The following ITGBL1 variants were observed in gnomAD, a reference collection of about 807,000 sequenced individuals.
ITGBL1 encodes the protein integrin subunit beta like 1.
A neutral mutation model predicts 68.5 loss-of-function variants in ITGBL1; 51 were observed. The ratio of observed to expected loss-of-function variants is 0.74; its 90% CI spans 0.59 to 0.94. The LOEUF (loss-of-function observed/expected upper bound fraction) is 0.94. Among genes scored for constraint, ITGBL1 ranks in the 40% least tolerant of loss-of-function variants. ITGBL1 has a pLI of 0.00. For missense variants in ITGBL1, 649 were observed against 647.4 expected (o/e 1.00, Z -0.03); for synonymous variants, 209 against 227.3 (o/e 0.92, Z 0.72).
intron 2 of ITGBL1, among the ~76,000 whole-genome samples, chr13:101,512,982 G>A (rs1566709612): frequency 1.3e-5 from 2 of 151,998 alleles, no homozygotes. Context: ...TTCTTTCTTT[G>A]CTAAAAATCT....
chr13:101,617,612 A>G (rs1018155199), intron 7 of ITGBL1, among the ~76,000 whole-genome samples: 10 of 152,332 alleles, frequency 6.6e-5, no homozygotes, highest in African/African-American at 2.2e-4. Context: ...TCATCTCATT[A>G]TATAAAAATA....
intron 2 of ITGBL1, among the ~76,000 whole-genome samples, chr13:101,491,345 AT>A (rs1207484669): frequency 6.6e-6 from 1 of 152,182 alleles, no homozygotes; most frequent in Non-Finnish European, 1.5e-5. Context: ...TATAAAGCAG[AT>A]AGCTTCCAAA....
Position 101,575,506 on chromosome 13 carries a change from T to G in ITGBL1, c.546T>G (p.Asp182Glu), listed in dbSNP as rs752757554. The change falls in exon 4 of 11, where the codon GAT becomes GAG. Residue 182 changes from aspartate (D) to glutamate (E), a missense_variant. By Grantham distance (45) the Asp-to-Glu change is conservative. Coordinates refer to ENST00000376180, the MANE Select transcript of ITGBL1 (RefSeq NM_004791.3). ...LVYGKFCECD[D>E]RECIDDETEE... is the part of the protein sequence containing the mutation. ...ATGGTAAATTTTGTGAGTGTGACGATAGAGAATGCATAGACGATGAAACAG... is the reference window on the plus strand; with the variant it reads ...ATGGTAAATTTTGTGAGTGTGACGAGAGAGAATGCATAGACGATGAAACAG... The G allele has an allele frequency of 6.2e-7, 1 of 1,612,722 alleles. No homozygotes were observed. Among genetic ancestry groups the G allele is most frequent in the East Asian group, 2.2e-5 (1 of 44,830 alleles).
chr13:101,644,738 ACT>A (rs2032504291), intron 7 of ITGBL1, among the ~76,000 whole-genome samples: 1 of 152,130 alleles, frequency 6.6e-6, no homozygotes. Flanking sequence ...AAATCCAGTA[ACT>A]CTTTTTTAGA....
intron 7 of ITGBL1, among the ~76,000 whole-genome samples, chr13:101,656,060 A>AG (rs944117436): frequency 2.0e-5 from 3 of 151,946 alleles, no homozygotes; most frequent in East Asian, 3.9e-4. Context: ...GAGGTGGGGG[A>AG]GGGGGGCTTC....
chr13:101,478,820 A>C (rs541181098), intron 2 of ITGBL1, among the ~76,000 whole-genome samples: 175 of 152,180 alleles, frequency 1.1e-3, no homozygotes, highest in African/African-American at 3.7e-3. Flanking sequence ...GAGGACTCAA[A>C]AAATGGAAAG....
At chr13:101,582,480 A>C (rs1322085832) in intron 5 of ITGBL1, among the ~76,000 whole-genome samples, 3 of 152,198 alleles carry the variant, frequency 2.0e-5, no homozygotes, top group African/African-American at 2.4e-5. Flanking sequence ...CTGATAATCC[A>C]CACAGAGTAA....
chr13:101,472,603 C>T (rs940249601), intron 2 of ITGBL1, among the ~76,000 whole-genome samples: 48 of 152,148 alleles, frequency 3.2e-4, no homozygotes, highest in African/African-American at 1.1e-3. Flanking sequence ...GAAAGGAAAA[C>T]GTAAATGGTT....
At chr13:101,649,458 A>T (rs61965080) in intron 7 of ITGBL1, among the ~76,000 whole-genome samples, 36,629 of 152,154 alleles carry the variant, frequency 0.24, 4,932 homozygotes, top group Admixed American at 0.32. Flanking sequence ...TCCTAAATAA[A>T]TGATTAAAGA....
chr13:101,715,548 T>G lies in ITGBL1; in HGVS notation c.1394-15T>G. On this transcript the variant is annotated splice_polypyrimidine_tract_variant and intron_variant, in intron 10 of 10. Coordinates refer to ENST00000376180, the MANE Select transcript of ITGBL1 (RefSeq NM_004791.3). ...TTTGATCATAATCATGATACCTATA[T>G]GTATTTTATTGCAGGGAATGGAATA... is the stretch of plus-strand genomic sequence containing the variant. 1 of 1,562,512 alleles carries G rather than the reference T, an allele frequency of 6.4e-7. No individual in the cohort carries two copies. Among genetic ancestry groups the G allele is most frequent in the Non-Finnish European group, 8.8e-7 (1 of 1,132,906 alleles).
intron 7 of ITGBL1, among the ~76,000 whole-genome samples, chr13:101,669,084 T>G (rs1025064442): frequency 6.6e-6 from 1 of 151,958 alleles, no homozygotes; most frequent in African/African-American, 2.4e-5. Flanking sequence ...ATATGTAAGT[T>G]GTACAAGGAA....
chr13:101,654,951 G>T (rs941647283), intron 7 of ITGBL1, among the ~76,000 whole-genome samples: 1 of 152,158 alleles, frequency 6.6e-6, no homozygotes, highest in African/African-American at 2.4e-5. Flanking sequence ...AGAGAAGAAG[G>T]TGTATGGGTA....
intron 7 of ITGBL1, among the ~76,000 whole-genome samples, chr13:101,622,341 A>G (rs550490162): frequency 2.0e-5 from 3 of 152,254 alleles, no homozygotes; most frequent in African/African-American, 7.2e-5. Context: ...CTCTGTCTAT[A>G]TAAATTTAAT....
chr13:101,527,676 G>GT (rs1436317901), intron 2 of ITGBL1, among the ~76,000 whole-genome samples: 1 of 151,816 alleles, frequency 6.6e-6, no homozygotes, highest in Non-Finnish European at 1.5e-5. Flanking sequence ...GTCAAGACTT[G>GT]TTTTTTTCAG....
chr13:101,518,843 G>A (rs2049237268), intron 2 of ITGBL1, among the ~76,000 whole-genome samples: 1 of 152,068 alleles, frequency 6.6e-6, no homozygotes, highest in Admixed American at 6.6e-5. Flanking sequence ...ATCTCATGGG[G>A]ATATTTACTA....
chr13:101,585,533 C>G (rs1169252031), intron 6 of ITGBL1, among the ~76,000 whole-genome samples: 1 of 152,130 alleles, frequency 6.6e-6, no homozygotes, highest in Non-Finnish European at 1.5e-5. Context: ...CAGGTTCACA[C>G]CATTCTCCTG....
At chr13:101,516,280 A>G (rs1381798389) in intron 2 of ITGBL1, among the ~76,000 whole-genome samples, 1 of 152,094 alleles carries the variant, frequency 6.6e-6, no homozygotes, top group African/African-American at 2.4e-5. Flanking sequence ...CTTTCTTTTC[A>G]TGAGACAATT....
intron 7 of ITGBL1, among the ~76,000 whole-genome samples, chr13:101,673,757 C>G (rs2033433548): frequency 6.6e-6 from 1 of 152,200 alleles, no homozygotes; most frequent in African/African-American, 2.4e-5. Flanking sequence ...AATGCTGGCT[C>G]AGAGTTTTGA....
At chr13:101,585,982 A>G (rs1037032195) in intron 6 of ITGBL1, among the ~76,000 whole-genome samples, 2 of 152,124 alleles carry the variant, frequency 1.3e-5, no homozygotes, top group African/African-American at 4.8e-5. Flanking sequence ...CCTGTGAGCC[A>G]GTCCATCTCA....
Sources: allele counts gnomAD v4.1 joint callset (sites outside exome capture counted in the v4.1 genomes callset), GRCh38; gene constraint gnomAD v4.1.1; transcripts MANE v1.5; gene names NCBI Gene and HGNC (gene_info 2026-07-23, HGNC 2026-07-21).